ANK1: variants seen among roughly 807,000 people sequenced by gnomAD.
The protein encoded by ANK1 is ankyrin-1.
Under a neutral mutation model 210.4 loss-of-function variants are expected in ANK1, and 51 were observed. The observed-to-expected ratio is 0.24, with a 90% CI of 0.19 to 0.31. The LOEUF (loss-of-function observed/expected upper bound fraction) is 0.31, where lower values mean the gene tolerates loss of function less well. Ranked by LOEUF, ANK1 falls within the 10% of genes least tolerant of loss-of-function variation. The probability of loss-of-function intolerance (pLI) is 1.00; values close to 1 mark genes in which losing one functional copy is unlikely to be tolerated. For synonymous variants in ANK1, 967 were observed against 1,025.9 expected (o/e 0.94, Z 1.10); for missense variants, 2,051 against 2,504.4 (o/e 0.82, Z 3.86).
At chr8:41,800,619 C>T (rs1271675826), upstream of ANK1, among the ~76,000 whole-genome samples, 1 of 152,296 alleles carries the variant, frequency 6.6e-6, no homozygotes, top group Non-Finnish European at 1.5e-5. Flanking sequence ...ATTCCATCGA[C>T]CTCATGCCCT....
chr8:41,732,891 C>T (rs1832568754), intron 3 of ANK1, among the ~76,000 whole-genome samples: 2 of 152,092 alleles, frequency 1.3e-5, no homozygotes, highest in African/African-American at 4.8e-5. Context: ...GCGCCCGCCA[C>T]CACGCCCGGC....
intron 1 of ANK1, among the ~76,000 whole-genome samples, chr8:41,792,301 C>A (rs1437775708): frequency 1.7e-4 from 26 of 152,226 alleles, no homozygotes; most frequent in Admixed American, 1.7e-3. Flanking sequence ...GCAGTCCAGG[C>A]TGGGCTGTGC....
intron 6 of ANK1, 41 bp from the exon 7 acceptor site, chr8:41,724,595 T>G: frequency 6.5e-7 from 1 of 1,534,292 alleles, no homozygotes. Context: ...TATATGTGAT[T>G]TACTTCTATC....
At chr8:41,744,272 C>G (rs889059812) in intron 2 of ANK1, among the ~76,000 whole-genome samples, 2 of 152,072 alleles carry the variant, frequency 1.3e-5, no homozygotes, top group Admixed American at 6.5e-5. Flanking sequence ...TTTAGTAGAA[C>G]GCCAGCTAAA....
intron 3 of ANK1, among the ~76,000 whole-genome samples, chr8:41,731,356 T>C (rs540639161): frequency 4.6e-4 from 70 of 152,216 alleles, no homozygotes; most frequent in South Asian, 1.2e-3. Context: ...TGGGTGCTGA[T>C]TGAATGCAAG....
intron 1 of ANK1, among the ~76,000 whole-genome samples, chr8:41,838,804 C>T (rs4737014): frequency 0.44 from 66,022 of 148,852 alleles, 15,256 homozygotes; most frequent in East Asian, 0.8. Flanking sequence ...AGGCCGGGCG[C>T]GGTGGCTCAT....
intron 1 of ANK1, among the ~76,000 whole-genome samples, chr8:41,815,785 T>C (rs962543296): frequency 9.2e-5 from 14 of 152,294 alleles, no homozygotes; most frequent in African/African-American, 3.4e-4. Context: ...ACTGCATATT[T>C]CATCATTTCT....
Position 41,757,648 on chromosome 8 carries a change from G to A in ANK1, c.129+388C>T, listed in dbSNP as rs73675120. On this transcript the variant is annotated intron_variant, in intron 2 of 42. Coordinates refer to ENST00000289734, the MANE Select transcript of ANK1 (RefSeq NM_000037.4). Reference sequence around the variant, plus strand: ...CCTCGACTTTCTTCTCAGGCTAGCCGAGAACCCACACAGACTGCTGGTGGA... The same window carrying A: ...CCTCGACTTTCTTCTCAGGCTAGCCAAGAACCCACACAGACTGCTGGTGGA... Among the ~76,000 whole-genome samples the A allele has an allele frequency of 7.6e-3, 1,159 of 152,298 alleles. 21 individuals carry two copies. The highest frequency in any genetic ancestry group is 0.027 in the African/African-American group (1,121 of 41,546).
rs760088102 is a variant in ANK1 at position 41,872,785 on chromosome 8, G to A, written c.126+23570C>T. Among the ~76,000 whole-genome samples, 5 of 152,196 alleles carry A rather than the reference G, an allele frequency of 3.3e-5. 1 individual carries two copies. Among genetic ancestry groups the A allele is most frequent in the Admixed American group, 1.3e-4 (2 of 15,286 alleles). On this transcript the variant is annotated intron_variant, in intron 1 of 42. Transcript: ENST00000265709. ...AGAGGCCTGCCCAGGTCTCTCCCTG[G>A]AGTGACCTGTAGGAGGTCTGCTGGG...
chr8:41,684,736 G>A (rs978566127), intron 36 of ANK1, 46 bp from the exon 37 acceptor site: 32 of 1,598,026 alleles, frequency 2.0e-5, no homozygotes, highest in Non-Finnish European at 2.7e-5. Flanking sequence ...GCCGGTGAGC[G>A]AGGATCACAT....
chr8:41,873,617 T>G (rs1043857334), intron 1 of ANK1, among the ~76,000 whole-genome samples: 7 of 152,142 alleles, frequency 4.6e-5, no homozygotes, highest in Non-Finnish European at 7.3e-5. Flanking sequence ...AGGATAAAAT[T>G]AAACAGCACA....
chr8:41,755,201 T>G (rs1319454595), intron 2 of ANK1, among the ~76,000 whole-genome samples: 1 of 152,224 alleles, frequency 6.6e-6, no homozygotes, highest in African/African-American at 2.4e-5. Context: ...CGGTGCTTGC[T>G]GCTCTCTGAG....
chr8:41,860,372 A>C (rs1484521438), intron 1 of ANK1, among the ~76,000 whole-genome samples: 3 of 152,212 alleles, frequency 2.0e-5, no homozygotes, highest in Non-Finnish European at 4.4e-5. Flanking sequence ...TACAAAGAGA[A>C]GCTCGATCAG....
chr8:41,774,521 G>A (rs1485731539), intron 1 of ANK1, among the ~76,000 whole-genome samples: 1 of 152,238 alleles, frequency 6.6e-6, no homozygotes, highest in East Asian at 1.9e-4. Flanking sequence ...GGGCCGTGCT[G>A]CAGAAAAAAG....
intron 1 of ANK1, among the ~76,000 whole-genome samples, chr8:41,890,841 A>T (rs1819304289): frequency 6.6e-6 from 1 of 151,820 alleles, no homozygotes; most frequent in African/African-American, 2.4e-5. Context: ...TTTAGGGCCA[A>T]CTCTCTCAAA....
intron 31 of ANK1, among the ~76,000 whole-genome samples, chr8:41,691,614 T>C (rs749920475): frequency 6.6e-6 from 1 of 152,172 alleles, no homozygotes; most frequent in African/African-American, 2.4e-5. Flanking sequence ...CTTCACATTA[T>C]CTGTCGAGCC....
At chr8:41,665,357 G>T in intron 39 of ANK1, 1 of 1,126,056 alleles carries the variant, frequency 8.9e-7, no homozygotes, top group Non-Finnish European at 1.2e-6. Context: ...AAGGAAGCCG[G>T]CAGGTGCCCA....
At chr8:41,655,893 T>C in intron 42 of ANK1, 140 bp from the exon 43 acceptor site, 1 of 937,676 alleles carries the variant, frequency 1.1e-6, no homozygotes, top group Non-Finnish European at 1.7e-6. Context: ...CAGGGCGATG[T>C]GCTGAGGGTG....
intron 1 of ANK1, among the ~76,000 whole-genome samples, chr8:41,760,202 C>T (rs57079159): frequency 0.037 from 5,654 of 152,206 alleles, 348 homozygotes; most frequent in African/African-American, 0.13. Context: ...GCTGTGTCAC[C>T]ACCCAAATCT....
Sources: allele counts gnomAD v4.1 joint callset (sites outside exome capture counted in the v4.1 genomes callset), GRCh38; gene constraint gnomAD v4.1.1; transcripts MANE v1.5; gene names NCBI Gene and HGNC (gene_info 2026-07-23, HGNC 2026-07-21).